Variants in SLC25A48 observed in about 807,000 individuals in gnomAD.
SLC25A48 encodes the protein solute carrier family 25 member 48.
Under a neutral mutation model 32.2 loss-of-function variants are expected in SLC25A48, and 29 were observed. The observed-to-expected ratio is 0.90, with a 90% CI of 0.67 to 1.23. SLC25A48 has a LOEUF of 1.23. Ranked by LOEUF, SLC25A48 falls within the 50% of genes most tolerant of loss-of-function variation. The pLI is 0.00. For missense variants in SLC25A48, 399 were observed against 422.7 expected, an observed-to-expected ratio of 0.94 and a Z score of 0.49; for synonymous variants, 164 against 172.3, an observed-to-expected ratio of 0.95 and a Z score of 0.38.
Position 135,874,059 on chromosome 5 carries a change from G to A in SLC25A48, c.718G>A (p.Val240Met), listed in dbSNP as rs753285588. The A allele has an allele frequency of 1.4e-5, 21 of 1,531,088 alleles. No homozygotes were observed. Among genetic ancestry groups the A allele is most frequent in the East Asian group, 9.8e-5 (4 of 40,644 alleles). 94.8% of individuals were successfully genotyped at this position (1,531,088 alleles called of 1,614,324 possible). Residue 240 changes from valine (V) to methionine (M), a missense_variant, in exon 6 of 8, where the codon GTG (valine) becomes ATG (methionine). By Grantham distance (21) the Val-to-Met change is conservative. Coordinates refer to ENST00000681962, the MANE Select transcript of SLC25A48 (RefSeq NM_001349336.2). ...GGGGACAGCGACTCCTATGGATGTC[G>A]TGAAAAGTCGACTCCAAGCTGATGG... ...SWGTATPMDV[V>M]KSRLQADGVY...
chr5:135,861,914 T>A (rs760300606), intron 4 of SLC25A48, among the ~76,000 whole-genome samples: 1 of 142,944 alleles, frequency 7.0e-6, no homozygotes. Flanking sequence ...TATGCCCCCA[T>A]GTAAATGCTT....
intron 1 of SLC25A48, among the ~76,000 whole-genome samples, chr5:135,613,730 T>G (rs565853449): frequency 6.6e-6 from 1 of 152,316 alleles, no homozygotes; most frequent in African/African-American, 2.4e-5. Flanking sequence ...TTGGCACCTT[T>G]GTTGAAAATC....
At chr5:135,874,421 C>T (rs969964769) in intron 6 of SLC25A48, among the ~76,000 whole-genome samples, 67 of 152,326 alleles carry the variant, frequency 4.4e-4, no homozygotes, top group African/African-American at 1.1e-3. Flanking sequence ...TCCATGGTGG[C>T]GCCTGGGCCT....
At chr5:135,644,178 C>T (rs9918135) in intron 3 of SLC25A48, among the ~76,000 whole-genome samples, 69,062 of 150,986 alleles carry the variant, frequency 0.46, 16,043 homozygotes, top group Middle Eastern at 0.5. Flanking sequence ...CAGCAAGTTG[C>T]GGATGGGGAG....
chr5:135,719,845 G>A (rs879343998), intron 3 of SLC25A48, among the ~76,000 whole-genome samples: 40 of 152,102 alleles, frequency 2.6e-4, no homozygotes, highest in Non-Finnish European at 4.6e-4. Flanking sequence ...CCTGCCCCTC[G>A]CTGCCATCTC....
chr5:135,594,780 G>A (rs1751607523), intron 1 of SLC25A48, among the ~76,000 whole-genome samples: 1 of 152,218 alleles, frequency 6.6e-6, no homozygotes, highest in South Asian at 2.1e-4. Flanking sequence ...CGGCATCACT[G>A]CTTGGAGGGT....
chr5:135,846,218 C>A (rs947101886), intron 2 of SLC25A48, among the ~76,000 whole-genome samples: 1 of 152,140 alleles, frequency 6.6e-6, no homozygotes, highest in African/African-American at 2.4e-5. Flanking sequence ...AAACCATCAC[C>A]CCACCCTGGT....
chr5:135,883,288 C>G, intron 7 of SLC25A48: 1 of 985,526 alleles, frequency 1.0e-6, no homozygotes, highest in Non-Finnish European at 1.2e-6. Context: ...TGATCACCAA[C>G]TATTCCAGCT....
intron 3 of SLC25A48, among the ~76,000 whole-genome samples, chr5:135,742,223 G>T (rs993033475): frequency 1.3e-5 from 2 of 152,162 alleles, no homozygotes; most frequent in African/African-American, 4.8e-5. Flanking sequence ...GGGATTACAG[G>T]CCTGTGCTAC....
intron 3 of SLC25A48, among the ~76,000 whole-genome samples, chr5:135,799,958 A>C (rs1757280362): frequency 6.6e-6 from 1 of 151,788 alleles, no homozygotes; most frequent in African/African-American, 2.4e-5. Context: ...CTAGATAAGA[A>C]GAGAATATCA....
chr5:135,661,384 C>T (rs1431241221), intron 3 of SLC25A48, among the ~76,000 whole-genome samples: 1 of 152,162 alleles, frequency 6.6e-6, no homozygotes, highest in Non-Finnish European at 1.5e-5. Flanking sequence ...ACAACTGTGC[C>T]CAGGGAGCAG....
chr5:135,834,660 G>C (rs1345204126), upstream of SLC25A48: 10 of 607,248 alleles, frequency 1.6e-5, no homozygotes, highest in South Asian at 2.3e-5. Context: ...GCCGCCCTCC[G>C]GCACTTGGAG....
rs1761655179 is a variant in SLC25A48 at position 135,871,659 on chromosome 5, C to G, written c.620C>G (p.Thr207Arg). ...IPYVFLSEWI[T>R]PEACTGPSPC... is the part of the protein sequence containing the mutation. ...TACGTGTTCCTGAGTGAGTGGATCA[C>G]ACCTGAGGCCTGCACAGGCCCCAGC... The change falls in exon 5 of 8, where the codon ACA becomes AGA. Residue 207 changes from threonine (T) to arginine (R), a missense_variant. Transcript: ENST00000681962. The G allele has an allele frequency of 6.2e-7, 1 of 1,614,070 alleles. No homozygotes were observed. Among genetic ancestry groups the G allele is most frequent in the Non-Finnish European group, 8.5e-7 (1 of 1,180,020 alleles).
chr5:135,820,356 T>C lies in SLC25A48; in HGVS notation c.-117+7430T>C, dbSNP rs867824495. The stretch of plus-strand genomic sequence containing the variant: ...TGTATTCTAGAATAGGTAAAATGAA[T>C]CTATAGTATCAAAAAGCACATCAGT... On this transcript the variant is annotated intron_variant, in intron 4 of 10. Transcript: ENST00000646290. Among the ~76,000 whole-genome samples, 12 of 152,180 alleles carry C rather than the reference T, an allele frequency of 7.9e-5. No homozygotes were observed. In the South Asian group the frequency reaches 2.3e-3, roughly 29 times the overall value.
At chr5:135,839,595 G>A (rs1316748986) in intron 1 of SLC25A48, among the ~76,000 whole-genome samples, 4 of 152,184 alleles carry the variant, frequency 2.6e-5, no homozygotes, top group African/African-American at 4.8e-5. Flanking sequence ...AGACTTTGGG[G>A]CGCCGTTGGG....
chr5:135,588,245 AT>A lies in SLC25A48; in HGVS notation c.-849+8651del, dbSNP rs1391215931. ...TTTGGGGGCAGTTCTTTAAACATGTATTTGAGCTATCACAAAGAGACTAAAT... is the reference window on the plus strand; with the variant it reads ...TTTGGGGGCAGTTCTTTAAACATGTATTGAGCTATCACAAAGAGACTAAAT... On this transcript the variant is annotated intron_variant, in intron 1 of 10. Transcript: ENST00000646290. Among the ~76,000 whole-genome samples, 11 of 152,232 alleles carry A rather than the reference AT, an allele frequency of 7.2e-5. 1 individual carries two copies.
intron 1 of SLC25A48, among the ~76,000 whole-genome samples, chr5:135,589,863 T>A (rs1751469463): frequency 1.3e-5 from 2 of 151,998 alleles, no homozygotes; most frequent in East Asian, 1.9e-4. Flanking sequence ...CCCAGGTAAT[T>A]TTTTGTATTT....
At chr5:135,652,670 TA>T (rs1175015561) in intron 3 of SLC25A48, among the ~76,000 whole-genome samples, 2 of 152,206 alleles carry the variant, frequency 1.3e-5, no homozygotes, top group African/African-American at 4.8e-5. Context: ...TCAGAGACCA[TA>T]ATATGGCGTT....
intron 3 of SLC25A48, among the ~76,000 whole-genome samples, chr5:135,659,586 G>T (rs1042665213): frequency 6.6e-6 from 1 of 152,176 alleles, no homozygotes; most frequent in Non-Finnish European, 1.5e-5. Flanking sequence ...TTATAGCAAT[G>T]CCCCCTTTCT....
Sources: allele counts gnomAD v4.1 joint callset (sites outside exome capture counted in the v4.1 genomes callset), GRCh38; gene constraint gnomAD v4.1.1; transcripts MANE v1.5; gene names NCBI Gene and HGNC (gene_info 2026-07-23, HGNC 2026-07-21).